The following NOS1 variants were observed in gnomAD, a reference collection of about 807,000 sequenced individuals.
The protein encoded by NOS1 is nitric oxide synthase 1.
In NOS1, 51 loss-of-function variants were observed where a neutral mutation model predicts 164.5. The observed-to-expected ratio is 0.31, with a 90% CI of 0.25 to 0.39. NOS1 has a LOEUF of 0.39. NOS1 is among the 10% of genes least tolerant of loss of function. The pLI, the probability that NOS1 is intolerant of heterozygous loss-of-function variation, is 1.00. For missense variants in NOS1, 1,362 were observed against 1,885.6 expected (o/e 0.72, Z 5.14); for synonymous variants, 719 against 745.8 (o/e 0.96, Z 0.59).
At chr12:117,261,414 G>A (rs528265534) in intron 13 of NOS1, among the ~76,000 whole-genome samples, 2 of 152,198 alleles carry the variant, frequency 1.3e-5, no homozygotes, top group South Asian at 4.2e-4. Context: ...AGACCACAGA[G>A]AACATAGCTA....
chr12:117,326,801 C>T (rs148037757), intron 2 of NOS1, among the ~76,000 whole-genome samples: 136 of 152,304 alleles, frequency 8.9e-4, no homozygotes, highest in African/African-American at 3.0e-3. Context: ...CCTGAGATGG[C>T]GTTTGGAGAG....
At chr12:117,285,845 C>T (rs1045901386) in intron 6 of NOS1, among the ~76,000 whole-genome samples, 2 of 152,154 alleles carry the variant, frequency 1.3e-5, no homozygotes, top group African/African-American at 4.8e-5. Flanking sequence ...CTGCGGTCAA[C>T]TGAAAAGTAT....
At chr12:117,232,342 A>G (rs902229372) in intron 21 of NOS1, among the ~76,000 whole-genome samples, 2 of 152,294 alleles carry the variant, frequency 1.3e-5, no homozygotes, top group East Asian at 3.9e-4. Flanking sequence ...AATGAATCCA[A>G]AAATTAAGAA....
intron 3 of NOS1, among the ~76,000 whole-genome samples, chr12:117,301,074 C>T (rs7961147): frequency 0.14 from 20,571 of 152,180 alleles, 1,638 homozygotes; most frequent in East Asian, 0.27. Context: ...AGGTGCATAT[C>T]AAATGAGAAG....
In NOS1 at chr12:117,272,522, C is replaced by G; in HGVS notation, c.1702G>C (p.Gly568Arg). 6.2e-7 allele frequency: 1 copy of G among 1,614,144 alleles called. No individual in the cohort carries two copies. The highest frequency in any genetic ancestry group is 8.5e-7 in the Non-Finnish European group (1 of 1,180,026). The part of the protein sequence containing the change: ...WFKDLGLKWY[G>R]LPAVSNMLLE... ...AGCATGTTGGACACGGCGGGGAGGCCGTACCACTTCAGCCCCAGGTCCTTG... is the reference window on the plus strand; with the variant it reads ...AGCATGTTGGACACGGCGGGGAGGCGGTACCACTTCAGCCCCAGGTCCTTG... Residue 568 changes from glycine (G) to arginine (R), a missense_variant, in exon 10 of 29, where the codon GGC becomes CGC. Around this residue, in one of 4 missense-constraint regions of NOS1, gnomAD observed 134 missense variants for 267.3 expected, o/e 0.50. Coordinates refer to ENST00000317775, the MANE Select transcript of NOS1 (RefSeq NM_000620.5). This position sits in a 1 kb window ranked among gnomAD's most constrained non-coding sequence, Gnocchi z 4.3.
chr12:117,347,709 G>A (rs1178178645), intron 1 of NOS1, among the ~76,000 whole-genome samples: 3 of 152,064 alleles, frequency 2.0e-5, no homozygotes, highest in Admixed American at 6.5e-5. Flanking sequence ...CCCCACCTCC[G>A]CATGAGATCA....
chr12:117,220,199 C>G lies in NOS1; in HGVS notation c.4046G>C (p.Gly1349Ala), dbSNP rs1412167134. 6.2e-7 allele frequency: 1 copy of G among 1,613,726 alleles called. No individual in the cohort carries two copies. Among genetic ancestry groups the G allele is most frequent in the Admixed American group, 1.7e-5 (1 of 60,018 alleles). Residue 1349 changes from glycine to alanine, a missense_variant, in exon 27 of 29, where the codon GGC becomes GCC. Coordinates refer to ENST00000317775, the MANE Select transcript of NOS1 (RefSeq NM_000620.5). The stretch of plus-strand genomic sequence containing the variant: ...GACGTCCCCACAGACGTATATGTGG[C>G]CCCCTTGCTCCTTCAGGGCTCGGTA... ...SVYRALKEQGGHIYVCGDVTM... is the reference protein window; with the variant it reads ...SVYRALKEQGAHIYVCGDVTM...
chr12:117,316,804 T>C (rs1311851424), intron 2 of NOS1, among the ~76,000 whole-genome samples: 3 of 152,212 alleles, frequency 2.0e-5, no homozygotes, highest in African/African-American at 7.2e-5. Flanking sequence ...ACTTGGATGT[T>C]AGATGTTCTC....
chr12:117,258,963 C>A (rs1310332794), intron 15 of NOS1, 63 bp downstream of exon 15: 2 of 1,188,318 alleles, frequency 1.7e-6, no homozygotes, highest in East Asian at 4.7e-5. Flanking sequence ...GAGTCTCAAC[C>A]TTGGCCCCTA....
At chr12:117,237,608 A>G (rs1272267778) in intron 20 of NOS1, among the ~76,000 whole-genome samples, 1 of 152,094 alleles carries the variant, frequency 6.6e-6, no homozygotes, top group Non-Finnish European at 1.5e-5. Context: ...ATATACACAC[A>G]TGCTTGGCGG....
chr12:117,298,343 G>A (rs966178522), intron 3 of NOS1, among the ~76,000 whole-genome samples: 2 of 152,134 alleles, frequency 1.3e-5, no homozygotes, highest in African/African-American at 4.8e-5. Flanking sequence ...GGTAATGCGA[G>A]CGATGGGGGC....
intron 28 of NOS1, among the ~76,000 whole-genome samples, chr12:117,216,623 C>T (rs984890204): frequency 2.6e-5 from 4 of 151,998 alleles, no homozygotes; most frequent in Non-Finnish European, 5.9e-5. Flanking sequence ...GGACCACAGG[C>T]GCGTGTCACC....
At chr12:117,279,611 G>A (rs1230762245) in intron 8 of NOS1, among the ~76,000 whole-genome samples, 1 of 152,172 alleles carries the variant, frequency 6.6e-6, no homozygotes, top group Non-Finnish European at 1.5e-5. Flanking sequence ...TTAGTAAAAA[G>A]AGGAAACACC....
At chr12:117,227,714 T>A (rs1868828179) in intron 22 of NOS1, 73 bp from the exon 23 acceptor site, 1 of 1,469,872 alleles carries the variant, frequency 6.8e-7, no homozygotes, top group African/African-American at 1.4e-5. Flanking sequence ...CCTGAGGGGG[T>A]CCAGGAAGAA....
intron 1 of NOS1, among the ~76,000 whole-genome samples, chr12:117,354,293 C>A (rs763819383): frequency 4.6e-5 from 7 of 152,154 alleles, no homozygotes; most frequent in Non-Finnish European, 7.3e-5. Context: ...AAGAAACCCA[C>A]CCAGTCCCAT....
At position 117,358,564 on chromosome 12, in the gene NOS1, C is replaced by T. The variant is rs76466562; in HGVS notation, c.-421+2948G>A. On this transcript the variant is annotated intron_variant, in intron 1 of 28. Coordinates refer to ENST00000317775, the MANE Select transcript of NOS1 (RefSeq NM_000620.5). Reference sequence around the variant, plus strand: ...AGTCTTGGCATACCAGCATTGTTTCCAGAACCCCTTTCACATACATCATCA... The same window carrying T: ...AGTCTTGGCATACCAGCATTGTTTCTAGAACCCCTTTCACATACATCATCA... 7.6e-3 allele frequency among the ~76,000 whole-genome samples: 1,161 copies of T among 152,294 alleles called. 20 individuals carry two copies. The highest frequency in any genetic ancestry group is 0.031 in the South Asian group (150 of 4,824).
chr12:117,336,892 G>C (rs1566082073), intron 1 of NOS1, among the ~76,000 whole-genome samples: 2 of 151,910 alleles, frequency 1.3e-5, no homozygotes, highest in Admixed American at 6.6e-5. Flanking sequence ...CACCTCCCAG[G>C]CTCAAGTGAT....
At chr12:117,291,689 A>G (rs983674306) in intron 3 of NOS1, among the ~76,000 whole-genome samples, 1 of 151,970 alleles carries the variant, frequency 6.6e-6, no homozygotes. Context: ...GCGTGTCACC[A>G]TGCCCAGCTA....
rs1876854176 is a variant in NOS1 at position 117,356,430 on chromosome 12, C to A, written c.-421+5082G>T. On this transcript the variant is annotated intron_variant, in intron 1 of 28. Transcript: ENST00000317775. The surrounding 1 kb of genome is among the most constrained non-coding windows in gnomAD (Gnocchi z 4.2). ...GAGAAGTCCTCCCTGATTCCTTCAA[C>A]CACCTGTCCTGGGTCCTACCACAGC... 6.6e-6 allele frequency among the ~76,000 whole-genome samples: 1 copy of A among 152,158 alleles called. No individual in the cohort carries two copies. The highest frequency in any genetic ancestry group is 2.4e-5 in the African/African-American group (1 of 41,440).
Sources: gnomAD v4.1 joint callset for allele counts (sites outside exome capture counted in the v4.1 genomes callset) on GRCh38, gnomAD v4.1.1 for gene constraint, gnomAD v4.1.1 regional missense constraint, Gnocchi (gnomAD v3.1) non-coding constraint, MANE v1.5 for transcripts, NCBI Gene and HGNC (gene_info 2026-07-23, HGNC 2026-07-21) for gene names.